The following HFM1 variants were observed in gnomAD, a reference collection of about 807,000 sequenced individuals.
HFM1 encodes probable ATP-dependent DNA helicase HFM1.
HFM1 carries 169 observed loss-of-function variants against 192.1 expected under a neutral mutation model. That is an observed-to-expected ratio of 0.88 (90% CI 0.78 to 1.00). The LOEUF (loss-of-function observed/expected upper bound fraction) is 1.00. HFM1 is among the 50% of genes least tolerant of loss of function. HFM1 has a pLI of 0.00. For synonymous variants in HFM1, 525 were observed against 537.8 expected, an observed-to-expected ratio of 0.98 and a Z score of 0.33; for missense variants, 1,661 against 1,668.0, an observed-to-expected ratio of 1.00 and a Z score of 0.07.
chr1:91,302,539 T>A (rs1326438960), intron 30 of HFM1, among the ~76,000 whole-genome samples: 1 of 152,000 alleles, frequency 6.6e-6, no homozygotes, highest in Non-Finnish European at 1.5e-5. Context: ...AACCCAAATG[T>A]CCAACAATGA....
At chr1:91,298,094 G>C (rs1647979256) in intron 30 of HFM1, among the ~76,000 whole-genome samples, 1 of 152,174 alleles carries the variant, frequency 6.6e-6, no homozygotes, top group Non-Finnish European at 1.5e-5. Context: ...AGTCCTTAAA[G>C]GACCTGATGG....
intron 2 of HFM1, among the ~76,000 whole-genome samples, chr1:91,396,685 G>A (rs536134039): frequency 6.6e-6 from 1 of 152,250 alleles, no homozygotes; most frequent in South Asian, 2.1e-4. Context: ...TCTTAAATCT[G>A]CTCCAATATA....
At chr1:91,395,588 G>A (rs1331132481) in intron 3 of HFM1, among the ~76,000 whole-genome samples, 2 of 151,890 alleles carry the variant, frequency 1.3e-5, no homozygotes, top group Non-Finnish European at 2.9e-5. Flanking sequence ...AAGTAGCTGG[G>A]ACTACAGGTG....
intron 4 of HFM1, among the ~76,000 whole-genome samples, chr1:91,391,816 C>CAA (rs1663030013): frequency 6.6e-6 from 1 of 150,748 alleles, no homozygotes; most frequent in Non-Finnish European, 1.5e-5. Flanking sequence ...AACAGGCAAC[C>CAA]AATGGGAGAA....
chr1:91,388,149 A>C (rs1662483870), intron 4 of HFM1, among the ~76,000 whole-genome samples: 1 of 152,054 alleles, frequency 6.6e-6, no homozygotes, highest in Non-Finnish European at 1.5e-5. Context: ...TACCCTTTAT[A>C]ATAAGCTGGT....
intron 13 of HFM1, among the ~76,000 whole-genome samples, chr1:91,366,191 G>A (rs1659287397): frequency 6.6e-6 from 1 of 152,134 alleles, no homozygotes. Context: ...AGGATAAATT[G>A]TAAATTAGTT....
At chr1:91,327,819 TG>T (rs1461256270) in intron 20 of HFM1, among the ~76,000 whole-genome samples, 1 of 152,168 alleles carries the variant, frequency 6.6e-6, no homozygotes, top group Admixed American at 6.5e-5. Context: ...AAAGGAATTT[TG>T]GAAACTATAC....
intron 2 of HFM1, among the ~76,000 whole-genome samples, chr1:91,399,023 C>T (rs910699613): frequency 6.6e-6 from 1 of 152,128 alleles, no homozygotes; most frequent in Non-Finnish European, 1.5e-5. Flanking sequence ...GATATTTACT[C>T]AGCTTGCCCC....
At chr1:91,317,473 T>C (rs934746926) in intron 25 of HFM1, among the ~76,000 whole-genome samples, 3 of 152,160 alleles carry the variant, frequency 2.0e-5, no homozygotes, top group Non-Finnish European at 2.9e-5. Context: ...GGATCTTTCC[T>C]ATTTCCTTAT....
At chr1:91,367,067 C>G (rs557825015) in intron 13 of HFM1, among the ~76,000 whole-genome samples, 1 of 152,266 alleles carries the variant, frequency 6.6e-6, no homozygotes, top group East Asian at 1.9e-4. Context: ...GGGAGGGGCA[C>G]CCGCCATTGC....
At chr1:91,365,770 T>C (rs1305871914) in intron 13 of HFM1, among the ~76,000 whole-genome samples, 3 of 152,142 alleles carry the variant, frequency 2.0e-5, no homozygotes, top group South Asian at 2.1e-4. Flanking sequence ...CAAACTCTGC[T>C]ACCCACTGTT....
intron 25 of HFM1, 105 bp downstream of exon 25, chr1:91,318,973 T>TA (rs1651662656): frequency 4.5e-6 from 5 of 1,121,962 alleles, no homozygotes; most frequent in Non-Finnish European, 6.3e-6. Flanking sequence ...TACAAACACA[T>TA]ACCTTCCTTG....
rs372076357 is a variant in HFM1 at position 91,309,984 on chromosome 1, T to C, written c.3391+3365A>G. 8.6e-5 allele frequency among the ~76,000 whole-genome samples: 13 copies of C among 151,914 alleles called. No homozygotes were observed. The South Asian group carries it at 2.5e-3, about 29-fold the overall frequency. On this transcript the variant is annotated intron_variant, in intron 30 of 38. Transcript: ENST00000370425. ...GGTTTATTATGTTTGGGACTGAAGC[T>C]GGAGATATACGAGATAAGCCTAGAA...
At chr1:91,286,253 G>T (rs1268003556) in intron 30 of HFM1, among the ~76,000 whole-genome samples, 1 of 152,108 alleles carries the variant, frequency 6.6e-6, no homozygotes, top group African/African-American at 2.4e-5. Context: ...TTCTAGGGTG[G>T]CTATAACAAA....
In HFM1 at chr1:91,330,626, G is replaced by A. The variant is rs527483266; in HGVS notation, c.2336-5860C>T. On this transcript the variant is annotated intron_variant, in intron 20 of 38. Coordinates refer to ENST00000370425, the MANE Select transcript of HFM1 (RefSeq NM_001017975.6). Reference sequence around the variant, plus strand: ...AAAAACTGTTTCAAAAAATAGAGGAGGAGGGAATACTTCCAAACTTACTCT... The same window carrying A: ...AAAAACTGTTTCAAAAAATAGAGGAAGAGGGAATACTTCCAAACTTACTCT... Among the ~76,000 whole-genome samples, 8 of 152,130 alleles carry A rather than the reference G, an allele frequency of 5.3e-5. No homozygotes were observed. In the South Asian group the frequency reaches 1.0e-3, roughly 20 times the overall value.
At position 91,261,362 on chromosome 1, in the gene HFM1, G is replaced by A; in HGVS notation, c.4239-3C>T. On this transcript the variant is annotated splice_polypyrimidine_tract_variant and splice_region_variant and intron_variant, in intron 38 of 38. Transcript: ENST00000370425. The stretch of plus-strand genomic sequence containing the variant: ...CTTCATCATCAGGATGATACATACT[G>A]GGAGAAAGAAGAAAAAGTAAAAATA... 2 of 1,349,216 alleles carry A rather than the reference G, an allele frequency of 1.5e-6. No individual in the cohort carries two copies. The highest frequency in any genetic ancestry group is 1.9e-6 in the Non-Finnish European group (2 of 1,026,156). 83.6% of individuals were successfully genotyped at this position (1,349,216 alleles called of 1,614,324 possible).
At chr1:91,289,457 A>G (rs452780) in intron 30 of HFM1, among the ~76,000 whole-genome samples, 152,070 of 152,256 alleles carry the variant, frequency 1, 75,942 homozygotes, top group Non-Finnish European at 1. Flanking sequence ...TCCTAGACAG[A>G]GTGGCACCTG....
At chr1:91,285,454 A>C (rs932518012) in intron 30 of HFM1, among the ~76,000 whole-genome samples, 13 of 152,212 alleles carry the variant, frequency 8.5e-5, no homozygotes, top group Admixed American at 3.3e-4. Context: ...GGATTAGAAC[A>C]ACTGAAATTT....
At position 91,340,017 on chromosome 1, in the gene HFM1, A is replaced by AT. The variant is rs199732736; in HGVS notation, c.2335+3412dup. ...AAGAGTTTGGGGGCCTATATTAAGCATTTTTTTTGACAGGGTCTTACTCTG... is the reference window on the plus strand; with the variant it reads ...AAGAGTTTGGGGGCCTATATTAAGCATTTTTTTTTGACAGGGTCTTACTCTG... On this transcript the variant is annotated intron_variant, in intron 20 of 38. Coordinates refer to ENST00000370425, the MANE Select transcript of HFM1 (RefSeq NM_001017975.6). 1.5e-3 allele frequency among the ~76,000 whole-genome samples: 226 copies of AT among 151,950 alleles called. 2 individuals carry two copies. In the East Asian group the frequency reaches 0.022, roughly 15 times the overall value.
Sources: allele counts gnomAD v4.1 joint callset (sites outside exome capture counted in the v4.1 genomes callset), GRCh38; gene constraint gnomAD v4.1.1; transcripts MANE v1.5; gene names NCBI Gene and HGNC (gene_info 2026-07-23, HGNC 2026-07-21).